Variants in MSL2 observed in about 807,000 individuals in gnomAD.
MSL2 encodes the protein E3 ubiquitin-protein ligase MSL2.
In MSL2, 2 loss-of-function variants were observed where a neutral mutation model predicts 35.8. The observed-to-expected ratio is 0.06, with a 90% CI of 0.02 to 0.18. The LOEUF (loss-of-function observed/expected upper bound fraction) is 0.18. Ranked by LOEUF, MSL2 falls within the 10% of genes least tolerant of loss-of-function variation. The pLI is 1.00. For missense variants in MSL2, 523 were observed against 706.7 expected, an observed-to-expected ratio of 0.74 and a Z score of 2.95; for synonymous variants, 296 against 255.7, an observed-to-expected ratio of 1.16 and a Z score of -1.50.
intron 1 of MSL2, among the ~76,000 whole-genome samples, chr3:136,192,735 T>TAA (rs1470542654): frequency 4.6e-5 from 7 of 152,224 alleles, no homozygotes; most frequent in Non-Finnish European, 8.8e-5. Flanking sequence ...ACAAATTCCC[T>TAA]AATTAAGCAT....
In MSL2 at chr3:136,152,394, T is replaced by C. The variant is rs1220951300; in HGVS notation, c.487A>G (p.Thr163Ala). Residue 163 changes from threonine (T) to alanine (A), a missense_variant, in exon 2 of 2, where the codon ACC becomes GCC. Physicochemically the swap from Thr to Ala is moderately conservative, Grantham distance 58. Transcript: ENST00000309993. ...LCLTHSPLPS[T>A]SEPTTDPQAS... ...TGAGGATCAGTTGTGGGTTCTGAGG[T>C]TGAAGGTAAAGGGGAATGTGTCAAA... 2 of 1,614,048 alleles carry C rather than the reference T, an allele frequency of 1.2e-6. No individual in the cohort carries two copies. Among genetic ancestry groups the C allele is most frequent in the Non-Finnish European group, 1.7e-6 (2 of 1,180,006 alleles).
intron 1 of MSL2, among the ~76,000 whole-genome samples, chr3:136,174,250 G>A (rs1052017981): frequency 6.6e-6 from 1 of 152,244 alleles, no homozygotes; most frequent in Admixed American, 6.5e-5. Context: ...AGTGACCTTG[G>A]TAATCACTTG....
chr3:136,193,052 G>T (rs1940735339), intron 1 of MSL2, among the ~76,000 whole-genome samples: 1 of 152,186 alleles, frequency 6.6e-6, no homozygotes, highest in Admixed American at 6.5e-5. Context: ...TCCATAGGAT[G>T]ATGTGAAATA....
At chr3:136,186,085 A>T (rs1001775448) in intron 1 of MSL2, among the ~76,000 whole-genome samples, 6 of 152,196 alleles carry the variant, frequency 3.9e-5, no homozygotes, top group Non-Finnish European at 7.3e-5. Flanking sequence ...CTATCCTTAC[A>T]TTACTTCAAA....
chr3:136,152,989 T>A (rs1324318557), intron 1 of MSL2: 2 of 985,314 alleles, frequency 2.0e-6, no homozygotes, highest in Admixed American at 1.2e-4. Flanking sequence ...CCCCAAGCAA[T>A]ACGTTCTGGT....
chr3:136,151,127 G>T lies in MSL2; in HGVS notation c.*20C>A. On this transcript the variant is annotated 3_prime_UTR_variant, in exon 2 of 2. Coordinates refer to ENST00000309993, the MANE Select transcript of MSL2 (RefSeq NM_018133.4). The surrounding 1 kb of genome is among the most constrained non-coding windows in gnomAD (Gnocchi z 5.2). ...TGTAGCTATTTCCCTACCAGGAGTA[G>T]GTTTAAAAGACCCACTGATTTAACA... The T allele has an allele frequency of 6.2e-7, 1 of 1,600,990 alleles. No homozygotes were observed. Among genetic ancestry groups the T allele is most frequent in the Non-Finnish European group, 8.5e-7 (1 of 1,169,648 alleles).
intron 1 of MSL2, among the ~76,000 whole-genome samples, chr3:136,189,749 C>A (rs1940630836): frequency 6.7e-6 from 1 of 148,972 alleles, no homozygotes; most frequent in African/African-American, 2.5e-5. Flanking sequence ...AGAATTCTTC[C>A]CAGATCAGAA....
chr3:136,190,032 G>C (rs1386868010), intron 1 of MSL2, among the ~76,000 whole-genome samples: 2 of 152,036 alleles, frequency 1.3e-5, no homozygotes, highest in Non-Finnish European at 2.9e-5. Flanking sequence ...AGTAAGCCGA[G>C]ATCATGCCAC....
intron 1 of MSL2, among the ~76,000 whole-genome samples, chr3:136,172,725 C>A (rs898139907): frequency 6.6e-6 from 1 of 152,074 alleles, no homozygotes; most frequent in African/African-American, 2.4e-5. Context: ...GACACAGACC[C>A]CTTTGAGAAT....
intron 1 of MSL2, among the ~76,000 whole-genome samples, chr3:136,171,128 A>G (rs1046372943): frequency 6.6e-6 from 1 of 152,228 alleles, no homozygotes; most frequent in Non-Finnish European, 1.5e-5. Context: ...TGAGAAAATG[A>G]GACATGTTAA....
chr3:136,185,786 G>A (rs1179006938), intron 1 of MSL2, among the ~76,000 whole-genome samples: 14 of 152,090 alleles, frequency 9.2e-5, no homozygotes, highest in South Asian at 2.1e-4. Context: ...GATTACAGGC[G>A]TGAGCCACCA....
intron 1 of MSL2, among the ~76,000 whole-genome samples, chr3:136,166,985 TG>T (rs1939870683): frequency 6.6e-6 from 1 of 152,152 alleles, no homozygotes; most frequent in Non-Finnish European, 1.5e-5. Flanking sequence ...CCATTCTAAC[TG>T]AAGTATTTAA....
At chr3:136,172,261 TACTC>T (rs1940047488) in intron 1 of MSL2, among the ~76,000 whole-genome samples, 1 of 152,154 alleles carries the variant, frequency 6.6e-6, no homozygotes, top group South Asian at 2.1e-4. Flanking sequence ...ATCATACTCA[TACTC>T]ACTCCCCGAC....
chr3:136,193,557 CA>C (rs900925712), intron 1 of MSL2, among the ~76,000 whole-genome samples: 3 of 151,014 alleles, frequency 2.0e-5, no homozygotes, highest in African/African-American at 7.3e-5. Context: ...CCTCAGTCCT[CA>C]AACCATCAAA....
At position 136,177,767 on chromosome 3, in the gene MSL2, A is replaced by G. The variant is rs569045820; in HGVS notation, c.142+17205T>C. Among the ~76,000 whole-genome samples, 18 of 152,050 alleles carry G rather than the reference A, an allele frequency of 1.2e-4. 2 individuals are homozygous for G. In the South Asian group the frequency reaches 3.3e-3, roughly 28 times the overall value. Reference sequence around the variant, plus strand: ...TAATTACTTTAACGTTCACTATAGCACTTTAAATAACTAAATACCATTATA... The same window carrying G: ...TAATTACTTTAACGTTCACTATAGCGCTTTAAATAACTAAATACCATTATA... On this transcript the variant is annotated intron_variant, in intron 1 of 1. Coordinates refer to ENST00000309993, the MANE Select transcript of MSL2 (RefSeq NM_018133.4).
chr3:136,151,573 T>A lies in MSL2; in HGVS notation c.1308A>T (p.Glu436Asp), dbSNP rs1939369192. Residue 436 changes from glutamate to aspartate, a missense_variant, in exon 2 of 2, where the codon GAA (glutamate) becomes GAT (aspartate). Glu to Asp is a conservative substitution (Grantham distance 45). Transcript: ENST00000309993. This position sits in a 1 kb window ranked among gnomAD's most constrained non-coding sequence, Gnocchi z 5.2. ...GILKKDKAVK[E>D]KIPSHHFMPG... Reference sequence around the variant, plus strand: ...GCATAAAATGATGACTAGGAATCTTTTCCTTTACTGCTTTGTCTTTTTTAA... The same window carrying A: ...GCATAAAATGATGACTAGGAATCTTATCCTTTACTGCTTTGTCTTTTTTAA... 6.2e-7 allele frequency: 1 copy of A among 1,614,202 alleles called. No homozygotes were observed. The highest frequency in any genetic ancestry group is 2.2e-5 in the East Asian group (1 of 44,888).
At chr3:136,178,532 CTTT>C (rs1180948007) in intron 1 of MSL2, among the ~76,000 whole-genome samples, 6 of 134,832 alleles carry the variant, frequency 4.4e-5, no homozygotes, top group Admixed American at 2.2e-4. Flanking sequence ...TTTACTGGCA[CTTT>C]TTTTTTTTTT....
intron 1 of MSL2, among the ~76,000 whole-genome samples, chr3:136,192,893 A>G (rs894746728): frequency 2.0e-5 from 3 of 152,254 alleles, no homozygotes; most frequent in Non-Finnish European, 4.4e-5. Context: ...TGCTGGGCTG[A>G]ATTCAAATAA....
At chr3:136,154,471 C>T (rs910437767) in intron 1 of MSL2, among the ~76,000 whole-genome samples, 1 of 152,106 alleles carries the variant, frequency 6.6e-6, no homozygotes, top group Non-Finnish European at 1.5e-5. Context: ...CCTTGGTTCC[C>T]AATCCAGACA....
Sources: allele counts gnomAD v4.1 joint callset (sites outside exome capture counted in the v4.1 genomes callset), GRCh38; gene constraint gnomAD v4.1.1; non-coding constraint Gnocchi (gnomAD v3.1); transcripts MANE v1.5; gene names NCBI Gene and HGNC (gene_info 2026-07-23, HGNC 2026-07-21).